The following BNC2 variants were observed in gnomAD, a reference collection of about 807,000 sequenced individuals.
The protein encoded by BNC2 is zinc finger protein basonuclin-2.
Under a neutral mutation model 76.3 loss-of-function variants are expected in BNC2, and 20 were observed. That is an observed-to-expected ratio of 0.26 (90% confidence interval 0.18 to 0.38). BNC2 has a LOEUF of 0.38. Ranked by LOEUF, BNC2 falls within the 10% of genes least tolerant of loss-of-function variation. BNC2 has a pLI of 1.00. For missense variants in BNC2, 1,382 were observed against 1,399.8 expected (o/e 0.99, Z 0.20); for synonymous variants, 582 against 514.8 (o/e 1.13, Z -1.77).
chr9:16,592,170 C>T (rs1167546992), intron 3 of BNC2, among the ~76,000 whole-genome samples: 1 of 152,046 alleles, frequency 6.6e-6, no homozygotes, highest in Non-Finnish European at 1.5e-5. Context: ...AATACATCAT[C>T]TTCACAATAA....
At chr9:16,445,734 T>C (rs1056776218) in intron 5 of BNC2, among the ~76,000 whole-genome samples, 4 of 152,216 alleles carry the variant, frequency 2.6e-5, no homozygotes, top group Non-Finnish European at 5.9e-5. Context: ...TGGACTTTAC[T>C]TGTTAACATT....
At chr9:16,458,327 C>T (rs1211718982) in intron 5 of BNC2, among the ~76,000 whole-genome samples, 1 of 152,140 alleles carries the variant, frequency 6.6e-6, no homozygotes, top group East Asian at 1.9e-4. Context: ...GCTGCTGGTC[C>T]ATTAGAGGCT....
At chr9:16,755,627 A>T (rs1825363175) in intron 1 of BNC2, among the ~76,000 whole-genome samples, 1 of 151,968 alleles carries the variant, frequency 6.6e-6, no homozygotes, top group Non-Finnish European at 1.5e-5. Flanking sequence ...CGGCTAGTAA[A>T]TGTCTATATT....
At position 16,712,229 on chromosome 9, in the gene BNC2, GAATAT is replaced by G. The variant is rs564508366; in HGVS notation, c.330+15563_330+15567del. Among the ~76,000 whole-genome samples the G allele has an allele frequency of 2.9e-3, 442 of 152,212 alleles. 5 individuals are homozygous for G. Among genetic ancestry groups the G allele is most frequent in the African/African-American group, 0.01 (416 of 41,522 alleles). On this transcript the variant is annotated intron_variant, in intron 3 of 6. Transcript: ENST00000380672. ...TCATTAATTGTTCTTCTATAATTCT[GAATAT>G]AATTTAAGCAGTAATAAATACTGAA...
chr9:16,826,295 ACCAAGCCTGTG>A (rs1818453617), intron 1 of BNC2, among the ~76,000 whole-genome samples: 1 of 144,754 alleles, frequency 6.9e-6, no homozygotes. Context: ...TTTTAGAACC[ACCAAGCCTGTG>A]CCATATAGCT....
chr9:16,695,390 C>G (rs1823306506), intron 3 of BNC2, among the ~76,000 whole-genome samples: 2 of 152,096 alleles, frequency 1.3e-5, no homozygotes, highest in African/African-American at 2.4e-5. Flanking sequence ...CCTTAAACTC[C>G]TAGACTTTCC....
intron 2 of BNC2, among the ~76,000 whole-genome samples, chr9:16,731,499 G>C (rs1824502616): frequency 6.6e-6 from 1 of 152,132 alleles, no homozygotes; most frequent in African/African-American, 2.4e-5. Context: ...AAACTCAAAA[G>C]CATTTTACAA....
At chr9:16,796,780 TTATC>T (rs1334175893) in intron 1 of BNC2, among the ~76,000 whole-genome samples, 1 of 152,146 alleles carries the variant, frequency 6.6e-6, no homozygotes, top group African/African-American at 2.4e-5. Flanking sequence ...ATGGGAAACA[TTATC>T]TATAAACACA....
At chr9:16,595,818 A>G (rs1170511189) in intron 3 of BNC2, among the ~76,000 whole-genome samples, 1 of 152,172 alleles carries the variant, frequency 6.6e-6, no homozygotes, top group Non-Finnish European at 1.5e-5. Flanking sequence ...TGAGCAAAGC[A>G]AGAGACCTAT....
intron 5 of BNC2, among the ~76,000 whole-genome samples, chr9:16,457,567 G>C (rs1441567637): frequency 6.6e-6 from 1 of 152,218 alleles, no homozygotes; most frequent in African/African-American, 2.4e-5. Flanking sequence ...GTGACAACAG[G>C]TGTGAGGTGC....
intron 2 of BNC2, among the ~76,000 whole-genome samples, chr9:16,735,396 TAA>T (rs879878699): frequency 6.3e-5 from 1 of 15,966 alleles, no homozygotes. Context: ...TAAATGAATT[TAA>T]AAAAAAAAAA....
chr9:16,857,372 G>C (rs1245931902), intron 1 of BNC2, among the ~76,000 whole-genome samples: 1 of 151,578 alleles, frequency 6.6e-6, no homozygotes, highest in East Asian at 1.9e-4. Context: ...AGCTACTCGG[G>C]AGGCTAAGGC....
At chr9:16,768,807 T>C (rs1266326930) in intron 1 of BNC2, among the ~76,000 whole-genome samples, 4 of 152,180 alleles carry the variant, frequency 2.6e-5, no homozygotes, top group African/African-American at 7.2e-5. Flanking sequence ...AAAAGCGATA[T>C]ATGACTTGAA....
chr9:16,460,070 A>G (rs1248604348), intron 5 of BNC2, among the ~76,000 whole-genome samples: 1 of 152,220 alleles, frequency 6.6e-6, no homozygotes, highest in African/African-American at 2.4e-5. Flanking sequence ...TAAGTCATCT[A>G]ATACATATTT....
At chr9:16,760,427 G>A (rs1825519974) in intron 1 of BNC2, among the ~76,000 whole-genome samples, 1 of 152,152 alleles carries the variant, frequency 6.6e-6, no homozygotes, top group South Asian at 2.1e-4. Flanking sequence ...AACCCTGCCA[G>A]ACAAAATCTT....
chr9:16,619,936 G>A (rs1427979970), intron 3 of BNC2, among the ~76,000 whole-genome samples: 2 of 152,156 alleles, frequency 1.3e-5, no homozygotes, highest in African/African-American at 2.4e-5. Flanking sequence ...CATTTTGCAT[G>A]ATGCTTTCAG....
At chr9:16,530,578 C>A (rs891208988) in intron 5 of BNC2, among the ~76,000 whole-genome samples, 1 of 152,102 alleles carries the variant, frequency 6.6e-6, no homozygotes, top group East Asian at 1.9e-4. Flanking sequence ...CTGTCAAGAG[C>A]GGGAAAAGCA....
At chr9:16,781,246 G>GATTTGGATTCAAGACCTCATGTT (rs1826145627) in intron 1 of BNC2, among the ~76,000 whole-genome samples, 2 of 151,932 alleles carry the variant, frequency 1.3e-5, no homozygotes, top group South Asian at 4.1e-4. Flanking sequence ...AAGGTCTGAA[G>GATTTGGATTCAAGACCTCATGTT]ATCAGGGCTG....
intron 1 of BNC2, among the ~76,000 whole-genome samples, chr9:16,862,404 T>C (rs1005415978): frequency 5.9e-5 from 9 of 152,194 alleles, no homozygotes; most frequent in Admixed American, 1.3e-4. Flanking sequence ...AAATATGAAA[T>C]GTACCATTTG....
Sources: gnomAD v4.1 joint callset for allele counts (sites outside exome capture counted in the v4.1 genomes callset) on GRCh38, gnomAD v4.1.1 for gene constraint, MANE v1.5 for transcripts, NCBI Gene and HGNC (gene_info 2026-07-23, HGNC 2026-07-21) for gene names.